Variants in PGM5 observed in about 807,000 individuals in gnomAD.
PGM5 encodes phosphoglucomutase 5.
A neutral mutation model predicts 59.2 loss-of-function variants in PGM5; 23 were observed. That is an observed-to-expected ratio of 0.39 (90% CI 0.28 to 0.55). The LOEUF (loss-of-function observed/expected upper bound fraction) is 0.55. Ranked by LOEUF, PGM5 falls within the 20% of genes least tolerant of loss-of-function variation. The pLI, the probability that PGM5 is intolerant of heterozygous loss-of-function variation, is 0.66. For synonymous variants in PGM5, 214 were observed against 286.0 expected (o/e 0.75, Z 2.54); for missense variants, 574 against 748.3 (o/e 0.77, Z 2.72).
rs149709451 is a variant in PGM5, at chr9:68,478,951, T to C, written c.1160-467T>C. ...ATGCTCTGTGACATCATCACCTCTTTATTTTCTTCAAAGCACTTGTCCTTA... is the reference window on the plus strand; with the variant it reads ...ATGCTCTGTGACATCATCACCTCTTCATTTTCTTCAAAGCACTTGTCCTTA... On this transcript the variant is annotated intron_variant, in intron 7 of 10. Coordinates refer to ENST00000396396, the MANE Select transcript of PGM5 (RefSeq NM_021965.4). Among the ~76,000 whole-genome samples, 13 of 152,344 alleles carry C rather than the reference T, an allele frequency of 8.5e-5. No homozygotes were observed. The East Asian group carries it at 2.1e-3, about 25-fold the overall frequency.
At chr9:68,433,220 G>T (rs782027988) in intron 6 of PGM5, among the ~76,000 whole-genome samples, 8 of 152,200 alleles carry the variant, frequency 5.3e-5, no homozygotes, top group Non-Finnish European at 1.0e-4. Context: ...ACTTAATCTG[G>T]ATTCTGTCGC....
At chr9:68,421,106 A>G (rs969255682) in intron 6 of PGM5, among the ~76,000 whole-genome samples, 2 of 152,222 alleles carry the variant, frequency 1.3e-5, no homozygotes, top group Admixed American at 6.5e-5. Context: ...GCACATGTCC[A>G]TGTCAGGGTA....
chr9:68,521,433 G>A (rs914524934), intron 10 of PGM5, among the ~76,000 whole-genome samples: 21 of 152,336 alleles, frequency 1.4e-4, no homozygotes, highest in African/African-American at 4.8e-4. Flanking sequence ...AGAATGGAGA[G>A]AGTCCTTTGA....
chr9:68,356,830 C>T lies in PGM5; in HGVS notation c.-298C>T, dbSNP rs1554675699. On this transcript the variant is annotated 5_prime_UTR_variant, in exon 1 of 11. Coordinates refer to ENST00000396396, the MANE Select transcript of PGM5 (RefSeq NM_021965.4). The stretch of plus-strand genomic sequence containing the variant: ...TGGGACACCCCGAAAGTGAGTCCAA[C>T]TTGGGGAGAAACTGAGGGCAGCTCG... 1.5e-5 allele frequency: 5 copies of T among 339,318 alleles called. No individual in the cohort carries two copies. Among genetic ancestry groups the T allele is most frequent in the African/African-American group, 6.5e-5 (3 of 46,124 alleles). 21.0% of individuals were successfully genotyped at this position (339,318 alleles called of 1,614,324 possible).
chr9:68,505,859 G>T (rs1361012894), intron 10 of PGM5, among the ~76,000 whole-genome samples: 1 of 152,154 alleles, frequency 6.6e-6, no homozygotes, highest in Non-Finnish European at 1.5e-5. Flanking sequence ...AGGTCACGGG[G>T]TGGGGCTGAA....
At chr9:68,461,168 C>G (rs1355837882) in intron 6 of PGM5, among the ~76,000 whole-genome samples, 3 of 152,098 alleles carry the variant, frequency 2.0e-5, no homozygotes, top group Non-Finnish European at 4.4e-5. Flanking sequence ...GATCCAGGTC[C>G]TCCCCTCTCG....
chr9:68,400,152 C>A (rs1429824530), intron 6 of PGM5, among the ~76,000 whole-genome samples: 1 of 152,100 alleles, frequency 6.6e-6, no homozygotes, highest in Non-Finnish European at 1.5e-5. Flanking sequence ...GTCCCAAGGG[C>A]AGTTGTTCTA....
At chr9:68,369,265 A>G (rs1404244477) in intron 1 of PGM5, among the ~76,000 whole-genome samples, 3 of 152,120 alleles carry the variant, frequency 2.0e-5, no homozygotes, top group Admixed American at 2.0e-4. Context: ...GGGATTTGGG[A>G]TCTTGCGCAA....
At chr9:68,449,590 C>T (rs560440595) in intron 6 of PGM5, among the ~76,000 whole-genome samples, 2 of 152,302 alleles carry the variant, frequency 1.3e-5, no homozygotes, top group African/African-American at 4.8e-5. Context: ...TAAGTGATAG[C>T]TGCATTTATG....
chr9:68,519,672 A>G (rs927706803), intron 10 of PGM5, among the ~76,000 whole-genome samples: 3 of 151,714 alleles, frequency 2.0e-5, no homozygotes, highest in Non-Finnish European at 2.9e-5. Context: ...TAAAAAAAAA[A>G]AGAAAAACAG....
intron 6 of PGM5, among the ~76,000 whole-genome samples, chr9:68,459,730 G>T (rs781796826): frequency 6.6e-6 from 1 of 151,328 alleles, no homozygotes; most frequent in African/African-American, 2.4e-5. Context: ...GTTTTAATTT[G>T]CATTTCCCTG....
rs782603184 is a variant in PGM5, at chr9:68,499,205, T to C, written c.1480-22T>C. ...GTGTATTCATTTGCTCACTGCTCCA[T>C]TCTGGATGTTCTTGGTCTCAGGGCC... is the stretch of plus-strand genomic sequence containing the variant. On this transcript the variant is annotated intron_variant, in intron 9 of 10. Transcript: ENST00000396396. 4 of 1,613,806 alleles carry C rather than the reference T, an allele frequency of 2.5e-6. No individual in the cohort carries two copies. In the Admixed American group the frequency reaches 6.7e-5, roughly 27 times the overall value.
At chr9:68,419,112 AC>A (rs782261323) in intron 6 of PGM5, among the ~76,000 whole-genome samples, 12 of 152,164 alleles carry the variant, frequency 7.9e-5, no homozygotes, top group Non-Finnish European at 1.5e-4. Flanking sequence ...CTGGTGAAAT[AC>A]CTTTGATTAA....
At chr9:68,357,556 G>A (rs1554675868) in intron 1 of PGM5, among the ~76,000 whole-genome samples, 168 bp downstream of exon 1, 2 of 152,150 alleles carry the variant, frequency 1.3e-5, no homozygotes, top group Non-Finnish European at 2.9e-5. Context: ...CGCCGCGCTC[G>A]CAGCCTCCCC....
intron 6 of PGM5, among the ~76,000 whole-genome samples, chr9:68,407,580 C>T (rs1563997106): frequency 6.6e-6 from 1 of 152,180 alleles, no homozygotes; most frequent in Non-Finnish European, 1.5e-5. Flanking sequence ...TGGGAAAATA[C>T]AGAGTTTCTT....
chr9:68,475,415 G>A (rs1230132692), intron 7 of PGM5, among the ~76,000 whole-genome samples: 2 of 152,134 alleles, frequency 1.3e-5, no homozygotes, highest in African/African-American at 2.4e-5. Flanking sequence ...GAGAGGAAAA[G>A]CATCTGCAGT....
rs200653549 is a variant in PGM5 at position 68,387,579 on chromosome 9, A to G, written c.688A>G (p.Met230Val). 1.4e-4 allele frequency: 223 copies of G among 1,611,804 alleles called. No homozygotes were observed. The highest frequency in any genetic ancestry group is 1.3e-5 in the Non-Finnish European group (15 of 1,178,498). The change falls in exon 4 of 11, where the codon ATG (methionine) becomes GTG (valine). Residue 230 changes from methionine (M) to valine (V), a missense_variant. By Grantham distance (21) the Met-to-Val change is conservative. Transcript: ENST00000396396. ...CCAACTGAAGATTCGCATTGACGCA[A>G]TGCACGGAGGTAAGCTTGTGATTTT... is the stretch of plus-strand genomic sequence containing the variant. The part of the protein sequence containing the change: ...PSQLKIRIDA[M>V]HGVMGPYVRK...
chr9:68,508,652 C>G (rs1443783808), intron 10 of PGM5, among the ~76,000 whole-genome samples: 1 of 152,314 alleles, frequency 6.6e-6, no homozygotes, highest in South Asian at 2.1e-4. Context: ...GAAAAAGGAG[C>G]ATGAATGAAT....
intron 6 of PGM5, among the ~76,000 whole-genome samples, chr9:68,417,058 C>G (rs541908697): frequency 2.0e-5 from 3 of 152,312 alleles, no homozygotes; most frequent in African/African-American, 7.2e-5. Flanking sequence ...ACTGGCCAGC[C>G]TATGTTCAAC....
Sources: allele counts gnomAD v4.1 joint callset (sites outside exome capture counted in the v4.1 genomes callset), GRCh38; gene constraint gnomAD v4.1.1; transcripts MANE v1.5; gene names NCBI Gene and HGNC (gene_info 2026-07-23, HGNC 2026-07-21).